Variants in DENND5A observed in about 807,000 individuals in gnomAD.
DENND5A encodes the protein DENN domain containing 5A.
A neutral mutation model predicts 140.3 loss-of-function variants in DENND5A; 64 were observed. The ratio of observed to expected loss-of-function variants is 0.46; its 90% CI spans 0.37 to 0.56. DENND5A has a LOEUF of 0.56. DENND5A is among the 20% of genes least tolerant of loss of function. The probability of loss-of-function intolerance (pLI) is 0.00; values close to 1 mark genes in which losing one functional copy is unlikely to be tolerated. For missense variants in DENND5A, 1,292 were observed against 1,593.8 expected, an observed-to-expected ratio of 0.81 and a Z score of 3.22; for synonymous variants, 605 against 607.7, an observed-to-expected ratio of 1.00 and a Z score of 0.07.
chr11:9,163,619 T>C (rs1408183086), intron 11 of DENND5A, among the ~76,000 whole-genome samples: 1 of 151,742 alleles, frequency 6.6e-6, no homozygotes, highest in Non-Finnish European at 1.5e-5. Flanking sequence ...GCCTGGTCAA[T>C]ATGATGAAAC....
intron 1 of DENND5A, among the ~76,000 whole-genome samples, chr11:9,257,482 CTTTTT>C (rs1281178041): frequency 1.7e-5 from 2 of 119,024 alleles, no homozygotes; most frequent in Admixed American, 8.5e-5. Context: ...ACACAGTATT[CTTTTT>C]TTTTTTTTTT....
Position 9,177,203 on chromosome 11 carries a change from A to G in DENND5A, c.1906+929T>C, listed in dbSNP as rs78888462. On this transcript the variant is annotated intron_variant, in intron 8 of 22. Transcript: ENST00000328194. ...TAGGAAGTCAAGGCTGTGGCGAGCC[A>G]TAATCGCACCACTACCCTCCAGCCT... 2.6e-3 allele frequency among the ~76,000 whole-genome samples: 390 copies of G among 151,178 alleles called. 9 individuals carry two copies. Among genetic ancestry groups the G allele is most frequent in the Admixed American group, 0.018 (269 of 15,126 alleles).
intron 1 of DENND5A, among the ~76,000 whole-genome samples, chr11:9,250,400 C>G (rs531864536): frequency 1.4e-4 from 21 of 151,984 alleles, no homozygotes; most frequent in African/African-American, 5.1e-4. Context: ...ATTCTGAAAA[C>G]AAGCAACCTG....
intron 1 of DENND5A, among the ~76,000 whole-genome samples, chr11:9,229,435 A>G (rs1346737177): frequency 6.6e-6 from 1 of 152,126 alleles, no homozygotes. Context: ...AAATAGCCTC[A>G]GAAGCAAAGT....
intron 1 of DENND5A, among the ~76,000 whole-genome samples, chr11:9,257,550 C>T (rs1233461269): frequency 7.1e-6 from 1 of 141,748 alleles, no homozygotes; most frequent in African/African-American, 2.6e-5. Context: ...GGCTCGATCT[C>T]GGCTCACTGC....
intron 9 of DENND5A, 26 bp from the exon 10 acceptor site, chr11:9,169,975 C>A: frequency 6.6e-7 from 1 of 1,510,018 alleles, no homozygotes; most frequent in Non-Finnish European, 9.2e-7. Flanking sequence ...CCAAAGCAGG[C>A]AATTAATAAT....
chr11:9,171,937 A>C (rs940877965), intron 8 of DENND5A: 99 of 152,338 alleles, frequency 6.5e-4, no homozygotes, highest in African/African-American at 2.3e-3. Flanking sequence ...GAAAGCTGTA[A>C]TATCTGAGAT....
At chr11:9,252,601 G>A (rs993059010) in intron 1 of DENND5A, among the ~76,000 whole-genome samples, 4 of 151,096 alleles carry the variant, frequency 2.6e-5, no homozygotes, top group Middle Eastern at 3.2e-3. Flanking sequence ...AGCCAAGATC[G>A]CACCATTATA....
intron 1 of DENND5A, among the ~76,000 whole-genome samples, chr11:9,262,875 G>A (rs112992690): frequency 0.024 from 3,710 of 152,102 alleles, 150 homozygotes; most frequent in African/African-American, 0.085. Context: ...CTGAGTAGCT[G>A]GGACTACAGG....
At chr11:9,236,734 A>G (rs1205181091) in intron 1 of DENND5A, among the ~76,000 whole-genome samples, 1 of 88,842 alleles carries the variant, frequency 1.1e-5, no homozygotes, top group Non-Finnish European at 2.2e-5. Context: ...AGAAAAAGAA[A>G]AAGATGAAAA....
intron 15 of DENND5A, among the ~76,000 whole-genome samples, chr11:9,148,236 G>T (rs544495361): frequency 1.3e-5 from 2 of 151,942 alleles, no homozygotes; most frequent in Admixed American, 6.6e-5. Context: ...GACAACTGTT[G>T]TACAGACAGG....
intron 1 of DENND5A, among the ~76,000 whole-genome samples, chr11:9,241,331 C>T (rs1851226595): frequency 6.6e-6 from 1 of 152,142 alleles, no homozygotes; most frequent in African/African-American, 2.4e-5. Flanking sequence ...GCCCCATCCC[C>T]AGAGTTTATG....
At chr11:9,181,474 C>G (rs964379613) in intron 5 of DENND5A, among the ~76,000 whole-genome samples, 2 of 152,168 alleles carry the variant, frequency 1.3e-5, no homozygotes, top group African/African-American at 2.4e-5. Flanking sequence ...TGGCTCACAT[C>G]TGCAATGCCA....
chr11:9,203,755 G>A lies in DENND5A; in HGVS notation c.854C>T (p.Pro285Leu). The A allele has an allele frequency of 6.2e-7, 1 of 1,614,176 alleles. No homozygotes were observed. The highest frequency in any genetic ancestry group is 8.5e-7 in the Non-Finnish European group (1 of 1,180,022). The change falls in exon 4 of 23, where the codon CCT becomes CTT. Residue 285 changes from proline (P) to leucine (L), a missense_variant. Pro to Leu is a moderately conservative substitution (Grantham distance 98). Around this residue, in one of 4 missense-constraint regions of DENND5A, gnomAD observed 566 missense variants for 650.4 expected, o/e 0.87. Transcript: ENST00000328194. ...STNELPLFDF[P>L]VKEVFELLGV... ...GAGCAGTTCAAAAACCTCTTTGACA[G>A]GAAAGTCAAATAGGGGAAGCTCATT...
intron 11 of DENND5A, among the ~76,000 whole-genome samples, chr11:9,163,265 G>T (rs975049628): frequency 3.9e-5 from 6 of 152,282 alleles, no homozygotes; most frequent in Admixed American, 3.9e-4. Context: ...CCTAGGAGAA[G>T]AATTACTAAA....
At position 9,154,270 on chromosome 11, in the gene DENND5A, T is replaced by C. The variant is rs528361951; in HGVS notation, c.2437-1828A>G. Reference sequence around the variant, plus strand: ...GAAATTGAGGATCGGAAAGGTTAAGTTAACTTGTAAGAGGTCACACCGTTA... The same window carrying C: ...GAAATTGAGGATCGGAAAGGTTAAGCTAACTTGTAAGAGGTCACACCGTTA... On this transcript the variant is annotated intron_variant, in intron 12 of 22. Transcript: ENST00000328194. 1.3e-3 allele frequency among the ~76,000 whole-genome samples: 198 copies of C among 152,316 alleles called. 1 individual carries two copies. Among genetic ancestry groups the C allele is most frequent in the African/African-American group, 4.6e-3 (192 of 41,572 alleles).
intron 1 of DENND5A, among the ~76,000 whole-genome samples, chr11:9,239,405 T>C (rs1041878614): frequency 6.6e-6 from 1 of 150,490 alleles, no homozygotes; most frequent in South Asian, 2.1e-4. Flanking sequence ...GGTGTCATCA[T>C]GACTCACGGC....
Position 9,210,965 on chromosome 11 carries a change from G to C in DENND5A, c.110-3333C>G, listed in dbSNP as rs183578306. On this transcript the variant is annotated intron_variant, in intron 1 of 22. Transcript: ENST00000328194. ...AGATTCTGCTTCCAGTCATGGCAGA[G>C]TAGCTCCCTTCAGACCAACTTTCCT... Among the ~76,000 whole-genome samples the C allele has an allele frequency of 2.6e-3, 392 of 152,304 alleles. 1 individual carries two copies. The highest frequency in any genetic ancestry group is 8.8e-3 in the African/African-American group (366 of 41,556).
At chr11:9,247,152 C>A (rs1851509980) in intron 1 of DENND5A, among the ~76,000 whole-genome samples, 1 of 151,888 alleles carries the variant, frequency 6.6e-6, no homozygotes. Context: ...ACGGCGTGAA[C>A]CCGGGAGGCG....
Sources: gnomAD v4.1 joint callset for allele counts (sites outside exome capture counted in the v4.1 genomes callset) on GRCh38, gnomAD v4.1.1 for gene constraint, gnomAD v4.1.1 regional missense constraint, MANE v1.5 for transcripts, NCBI Gene and HGNC (gene_info 2026-07-23, HGNC 2026-07-21) for gene names.